The following SYNE1 variants were observed in gnomAD, a reference collection of about 807,000 sequenced individuals.
SYNE1 encodes the protein nesprin-1.
In SYNE1, 616 loss-of-function variants were observed where a neutral mutation model predicts 1,111.0. The ratio of observed to expected loss-of-function variants is 0.55; its 90% CI spans 0.52 to 0.59. The LOEUF (loss-of-function observed/expected upper bound fraction) is 0.59, where lower values mean the gene tolerates loss of function less well. SYNE1 is among the 20% of genes least tolerant of loss of function. SYNE1 has a pLI of 0.00. For synonymous variants in SYNE1, 3,855 were observed against 3,825.8 expected, an observed-to-expected ratio of 1.01 and a Z score of -0.28; for missense variants, 10,006 against 10,417.0, an observed-to-expected ratio of 0.96 and a Z score of 1.72.
At chr6:152,605,021 AGAGAGAGAGAGAGAGG>A (rs1565140792) in intron 3 of SYNE1, among the ~76,000 whole-genome samples, 4 of 68,270 alleles carry the variant, frequency 5.9e-5, no homozygotes, top group African/African-American at 2.1e-4. Context: ...AGAGAGAGAG[AGAGAGAGAGAGAGAGG>A]GAGGGAGGGA....
intron 3 of SYNE1, among the ~76,000 whole-genome samples, chr6:152,566,639 G>A (rs1017372250): frequency 6.6e-6 from 1 of 152,158 alleles, no homozygotes; most frequent in Non-Finnish European, 1.5e-5. Flanking sequence ...ACAGAGTGTG[G>A]ATGCCAAATG....
At chr6:152,552,832 C>T (rs530130891) in intron 3 of SYNE1, among the ~76,000 whole-genome samples, 1 of 151,922 alleles carries the variant, frequency 6.6e-6, no homozygotes, top group African/African-American at 2.4e-5. Context: ...CGTTAGTGAC[C>T]CTCCTCATAA....
At chr6:152,535,780 C>G (rs2099232325) in intron 4 of SYNE1, among the ~76,000 whole-genome samples, 1 of 152,042 alleles carries the variant, frequency 6.6e-6, no homozygotes, top group Non-Finnish European at 1.5e-5. Context: ...AGATTGTTCC[C>G]TTTGGGTGGC....
Position 152,278,269 on chromosome 6 carries a change from C to T in SYNE1, c.18393G>A (p.Val6131=), listed in dbSNP as rs2093780366. The change falls in exon 98 of 146, where the codon GTG becomes GTA. Residue 6131 remains valine (V), a synonymous_variant. Coordinates refer to ENST00000367255, the MANE Select transcript of SYNE1 (RefSeq NM_182961.4). The part of the protein sequence containing the change: ...AQLMDCQNML[V]EIEQKVVALS... Reference sequence around the variant, plus strand: ...AAGCCACCACCTTCTGCTCTATTTCCACCAGCATATTCTGCAGCAACAGAA... The same window carrying T: ...AAGCCACCACCTTCTGCTCTATTTCTACCAGCATATTCTGCAGCAACAGAA... The T allele has an allele frequency of 1.2e-5, 20 of 1,614,130 alleles. No individual in the cohort carries two copies. The highest frequency in any genetic ancestry group is 1.7e-5 in the Non-Finnish European group (20 of 1,180,040).
At chr6:152,359,171 A>C in intron 65 of SYNE1, 144 bp downstream of exon 65, 1 of 1,202,818 alleles carries the variant, frequency 8.3e-7, no homozygotes, top group Non-Finnish European at 1.2e-6. Flanking sequence ...TTTGCCAGTA[A>C]TTCCTTTAAA....
At chr6:152,367,951 G>A (rs2097109052) in intron 61 of SYNE1, 1 of 155,924 alleles carries the variant, frequency 6.4e-6, no homozygotes, top group South Asian at 1.9e-4. Context: ...CAAAGGAATG[G>A]AAAGATGTTC....
At chr6:152,316,303 T>C (rs984456852) in intron 87 of SYNE1, 2 of 163,370 alleles carry the variant, frequency 1.2e-5, no homozygotes, top group African/African-American at 4.8e-5. Context: ...AGCACCTGCA[T>C]GTGCCAGGCA....
At position 152,236,270 on chromosome 6, in the gene SYNE1, T is replaced by C. The variant is rs1434835715; in HGVS notation, c.20233A>G (p.Lys6745Glu). ...LKSSLNEYQP[K>E]LYQVLDDGKR... ...CCATCATCTAATACTTGATATAATTTGGGCTGGTATTCATTAAGGCTAGAT... is the reference window on the plus strand; with the variant it reads ...CCATCATCTAATACTTGATATAATTCGGGCTGGTATTCATTAAGGCTAGAT... Residue 6745 changes from lysine (K) to glutamate (E), a missense_variant, in exon 110 of 146, where the codon AAA becomes GAA. Lys to Glu is a moderately conservative substitution (Grantham distance 56). Coordinates refer to ENST00000367255, the MANE Select transcript of SYNE1 (RefSeq NM_182961.4). The C allele has an allele frequency of 6.2e-7, 1 of 1,614,068 alleles. No individual in the cohort carries two copies. The highest frequency in any genetic ancestry group is 8.5e-7 in the Non-Finnish European group (1 of 1,179,944).
At chr6:152,356,863 TC>T (rs1211885506) in intron 66 of SYNE1, among the ~76,000 whole-genome samples, 1 of 152,222 alleles carries the variant, frequency 6.6e-6, no homozygotes, top group East Asian at 1.9e-4. Context: ...TGAAATATTT[TC>T]TTTTGACCAG....
chr6:152,322,853 G>C (rs1419435278), intron 82 of SYNE1, among the ~76,000 whole-genome samples: 1 of 151,998 alleles, frequency 6.6e-6, no homozygotes, highest in Non-Finnish European at 1.5e-5. Context: ...CCCTCTCCTC[G>C]GCTGCTTGTC....
At chr6:152,202,372 A>C (rs143034994) in intron 126 of SYNE1, among the ~76,000 whole-genome samples, 9 of 28,104 alleles carry the variant, frequency 3.2e-4, no homozygotes, top group Admixed American at 1.7e-3. Flanking sequence ...AAAAAAAAGC[A>C]AAAAAAAAAA....
chr6:152,183,080 C>G lies in SYNE1; in HGVS notation c.23302-2786G>C, dbSNP rs530492585. Among the ~76,000 whole-genome samples the G allele has an allele frequency of 6.6e-5, 10 of 152,232 alleles. No homozygotes were observed. The East Asian group carries it at 1.9e-3, about 29-fold the overall frequency. ...AAATTTTGTCACTTTACACCATACC[C>G]CAAATAGCACTGAAGAACATAATCC... On this transcript the variant is annotated intron_variant, in intron 128 of 145. Transcript: ENST00000367255.
intron 16 of SYNE1, among the ~76,000 whole-genome samples, chr6:152,470,677 T>C (rs553421698): frequency 1.3e-5 from 2 of 151,986 alleles, no homozygotes; most frequent in Non-Finnish European, 2.9e-5. Flanking sequence ...GAAAATATGG[T>C]TTCAATAAGT....
rs759955742 is a variant in SYNE1 at position 152,465,218 on chromosome 6, T to C, written c.1932+40A>G. On this transcript the variant is annotated intron_variant, in intron 18 of 145. Transcript: ENST00000367255. Reference sequence around the variant, plus strand: ...GCTGTAAAAGTCTCTCATTTTTACATACATCAAACGTCTTTTCTTTTTGCA... The same window carrying C: ...GCTGTAAAAGTCTCTCATTTTTACACACATCAAACGTCTTTTCTTTTTGCA... The C allele has an allele frequency of 2.6e-5, 41 of 1,604,934 alleles. 2 individuals carry two copies. In the South Asian group the frequency reaches 4.0e-4, roughly 15 times the overall value.
intron 131 of SYNE1, among the ~76,000 whole-genome samples, chr6:152,157,110 A>C (rs1182411365): frequency 1.3e-5 from 2 of 152,212 alleles, no homozygotes; most frequent in African/African-American, 2.4e-5. Context: ...TACAAGTGTG[A>C]GCCACCACGC....
At chr6:152,204,925 A>G (rs2076217785) in intron 126 of SYNE1, among the ~76,000 whole-genome samples, 1 of 152,184 alleles carries the variant, frequency 6.6e-6, no homozygotes, top group African/African-American at 2.4e-5. Context: ...CATGTTCTCT[A>G]CAGGATGAGT....
intron 65 of SYNE1, 43 bp downstream of exon 65, chr6:152,359,272 A>G: frequency 6.2e-7 from 1 of 1,612,248 alleles, no homozygotes; most frequent in Non-Finnish European, 8.5e-7. Flanking sequence ...AGCTCCAAAC[A>G]CTCCCCTTTT....
rs1348367416 is a variant in SYNE1 at position 152,465,611 on chromosome 6, G to T, written c.1730-151C>A. 3 of 760,296 alleles carry T rather than the reference G, an allele frequency of 3.9e-6. No homozygotes were observed. In the East Asian group the frequency reaches 8.1e-5, roughly 20 times the overall value. The allele number at this position is 760,296 out of a possible 1,614,324, so 47.1% of individuals were successfully genotyped here. ...AAATATGACAGACATAATTACAAAT[G>T]GAAAACAAATGTATTTTACAAATTG... is the stretch of plus-strand genomic sequence containing the variant. On this transcript the variant is annotated intron_variant, in intron 17 of 145. Transcript: ENST00000367255.
In SYNE1 at chr6:152,416,673, C is replaced by T; in HGVS notation, c.5764G>A (p.Ala1922Thr). 2 of 1,614,222 alleles carry T rather than the reference C, an allele frequency of 1.2e-6. No homozygotes were observed. The highest frequency in any genetic ancestry group is 2.2e-5 in the South Asian group (2 of 91,086). ...ALQNAKALES[A>T]AVSLDGILSK... ...AGAATGCCATCCAGACTGACGGCAG[C>T]AGATTCTAATGCTTTAGCATTTTGA... The change falls in exon 41 of 146, where the codon GCT becomes ACT. Residue 1922 changes from alanine (A) to threonine (T), a missense_variant. Ala to Thr is a moderately conservative substitution (Grantham distance 58, BLOSUM62 0). Transcript: ENST00000367255.
Sources: allele counts gnomAD v4.1 joint callset (sites outside exome capture counted in the v4.1 genomes callset), GRCh38; gene constraint gnomAD v4.1.1; transcripts MANE v1.5; gene names NCBI Gene and HGNC (gene_info 2026-07-23, HGNC 2026-07-21).